CCAR2: variants seen among roughly 807,000 people sequenced by gnomAD.
The protein encoded by CCAR2 is cell cycle and apoptosis regulator protein 2.
A neutral mutation model predicts 108.1 loss-of-function variants in CCAR2; 21 were observed. The observed-to-expected ratio is 0.19, with a 90% CI of 0.14 to 0.28. The LOEUF is 0.28. CCAR2 is among the 10% of genes least tolerant of loss of function. The probability of loss-of-function intolerance (pLI) is 1.00; values close to 1 mark genes in which losing one functional copy is unlikely to be tolerated. For synonymous variants in CCAR2, 577 were observed against 472.8 expected (o/e 1.22, Z -2.86); for missense variants, 1,126 against 1,177.0 (o/e 0.96, Z 0.63).
chr8:22,615,665 T>G lies in CCAR2; in HGVS notation c.1378-17T>G. On this transcript the variant is annotated splice_polypyrimidine_tract_variant and intron_variant, in intron 12 of 20. Transcript: ENST00000308511. Reference sequence around the variant, plus strand: ...AATCCCGGGACCCAGAGGGTCTCATTTCAGCTGTTGTCACAGGAAACGGAG... The same window carrying G: ...AATCCCGGGACCCAGAGGGTCTCATGTCAGCTGTTGTCACAGGAAACGGAG... 1 of 1,613,770 alleles carries G rather than the reference T, an allele frequency of 6.2e-7. No homozygotes were observed. Among genetic ancestry groups the G allele is most frequent in the South Asian group, 1.1e-5 (1 of 91,082 alleles).
rs574317031 is a variant in CCAR2 at position 22,620,367 on chromosome 8, C to G, written c.*685C>G. ...TCTCCCCTGTTACCCATAATTCTTG[C>G]CTCTTTCCATAATCCGTGGTTTCAG... On this transcript the variant is annotated 3_prime_UTR_variant, in exon 21 of 21. Transcript: ENST00000308511. 1 of 152,396 alleles carries G rather than the reference C, an allele frequency of 6.6e-6. No homozygotes were observed. Among genetic ancestry groups the G allele is most frequent in the East Asian group, 1.9e-4 (1 of 5,184 alleles). 9.4% of individuals were successfully genotyped at this position (152,396 alleles called of 1,614,324 possible). A position where few individuals can be genotyped will look rare whatever the true frequency, so the allele number is the denominator to read the frequency against.
chr8:22,605,062 G>C (rs1290112899), intron 1 of CCAR2: 2 of 268,324 alleles, frequency 7.5e-6, no homozygotes, highest in African/African-American at 4.8e-5. Flanking sequence ...TGGTGGCCTC[G>C]CCGCGGCTCT....
chr8:22,610,690 A>C (rs912939653), intron 7 of CCAR2, among the ~76,000 whole-genome samples: 2 of 152,256 alleles, frequency 1.3e-5, no homozygotes, highest in Non-Finnish European at 2.9e-5. Flanking sequence ...GCCAACAGAA[A>C]AGAGCAGGCA....
intron 19 of CCAR2, 49 bp downstream of exon 19, chr8:22,619,064 G>C (rs772286178): frequency 3.7e-6 from 6 of 1,602,690 alleles, no homozygotes; most frequent in Non-Finnish European, 5.1e-6. Context: ...CAGACCAGTA[G>C]GGAACCTGCT....
At position 22,614,494 on chromosome 8, in the gene CCAR2, G is replaced by A; in HGVS notation, c.1032G>A (p.Lys344=). The A allele has an allele frequency of 6.2e-7, 1 of 1,613,898 alleles. No homozygotes were observed. The highest frequency in any genetic ancestry group is 1.1e-5 in the South Asian group (1 of 91,082). The change falls in exon 10 of 21, where the codon AAG becomes AAA. Residue 344 remains lysine (K), a synonymous_variant. Coordinates refer to ENST00000308511, the MANE Select transcript of CCAR2 (RefSeq NM_001393997.1). ...GGGAGACGCCAGAGCATCCTCTGAAGCAGATTAAGGTAAGAGCTGGAGAGC... is the reference window on the plus strand; with the variant it reads ...GGGAGACGCCAGAGCATCCTCTGAAACAGATTAAGGTAAGAGCTGGAGAGC... ...EPRETPEHPL[K]QIKFLLGRKE... is the part of the protein sequence containing the mutation.
At chr8:22,606,779 T>A in intron 4 of CCAR2, 81 bp downstream of exon 4, 1 of 1,460,884 alleles carries the variant, frequency 6.8e-7, no homozygotes, top group Non-Finnish European at 9.5e-7. Context: ...CCCACCCGCC[T>A]CAAAGCCATT....
At chr8:22,616,627 C>T (rs1368569472) in intron 14 of CCAR2, 4 of 217,374 alleles carry the variant, frequency 1.8e-5, no homozygotes, top group Non-Finnish European at 3.7e-5. Context: ...ACCAGCCTGG[C>T]CAATATAGTG....
rs952466275 is a variant in CCAR2, at chr8:22,619,569, G to T, written c.2728-69G>T. On this transcript the variant is annotated intron_variant, in intron 20 of 20. Coordinates refer to ENST00000308511, the MANE Select transcript of CCAR2 (RefSeq NM_001393997.1). Reference sequence around the variant, plus strand: ...AGTGGGAGCTTCCCAGCAGGAGGCAGTCCGCAGTCCGCAGTCCTCAGATCA... The same window carrying T: ...AGTGGGAGCTTCCCAGCAGGAGGCATTCCGCAGTCCGCAGTCCTCAGATCA... The T allele has an allele frequency of 4.4e-6, 6 of 1,366,894 alleles. No individual in the cohort carries two copies. The African/African-American group carries it at 1.7e-4, about 38-fold the overall frequency. 84.7% of individuals were successfully genotyped at this position (1,366,894 alleles called of 1,614,324 possible).
intron 4 of CCAR2, 61 bp from the exon 5 acceptor site, chr8:22,606,842 AGGGGCAG>A (rs1244234878): frequency 6.5e-7 from 1 of 1,532,746 alleles, no homozygotes; most frequent in Non-Finnish European, 9.0e-7. Context: ...AAGGCCTCAT[AGGGGCAG>A]TCAGGGTGGC....
intron 7 of CCAR2, among the ~76,000 whole-genome samples, chr8:22,612,086 C>T (rs778265668): frequency 1.3e-5 from 2 of 151,968 alleles, no homozygotes; most frequent in African/African-American, 2.4e-5. Context: ...GCTGGGATTA[C>T]AGACGTGTGC....
chr8:22,607,231 T>G lies in CCAR2; in HGVS notation c.393T>G (p.His131Gln). ...AGTCCCCAGCACCTCCTCTTCTGCA[T>G]GTAGCAGCCCTGGGCCAGAAGCAAG... ...LLKSPAPPLL[H>Q]VAALGQKQGI... The change falls in exon 6 of 21, where the codon CAT (histidine) becomes CAG (glutamine). Residue 131 changes from histidine to glutamine, a missense_variant. Physicochemically the swap from His to Gln is conservative, Grantham distance 24. Coordinates refer to ENST00000308511, the MANE Select transcript of CCAR2 (RefSeq NM_001393997.1). 1 of 1,614,054 alleles carries G rather than the reference T, an allele frequency of 6.2e-7. No homozygotes were observed. Among genetic ancestry groups the G allele is most frequent in the Non-Finnish European group, 8.5e-7 (1 of 1,180,010 alleles).
intron 7 of CCAR2, among the ~76,000 whole-genome samples, chr8:22,611,890 G>GT (rs1801297295): frequency 6.7e-6 from 1 of 149,422 alleles, no homozygotes; most frequent in Admixed American, 6.7e-5. Context: ...GGAGCAAATG[G>GT]TTTGAGTGTT....
downstream of CCAR2, chr8:22,621,199 G>C (rs1801791626): frequency 1.7e-6 from 1 of 587,016 alleles, no homozygotes; most frequent in Non-Finnish European, 3.0e-6. Flanking sequence ...AAGCCCCAAG[G>C]GTTTGTCTAC....
At position 22,616,525 on chromosome 8, in the gene CCAR2, A is replaced by T. The variant is rs1418497265; in HGVS notation, c.1845+277A>T. On this transcript the variant is annotated intron_variant, in intron 14 of 20. Transcript: ENST00000308511. The stretch of plus-strand genomic sequence containing the variant: ...CTTTGATTGCCTGATGGTTAACTAG[A>T]AAATTTTGTAGGCCGGGCGCTGTAG... The T allele has an allele frequency of 1.0e-5, 5 of 487,292 alleles. No individual in the cohort carries two copies. The East Asian group carries it at 1.1e-4, about 11-fold the overall frequency. The allele number at this position is 487,292 out of a possible 1,614,324, so 30.2% of individuals were successfully genotyped here.
At chr8:22,610,294 G>A (rs1240941545) in intron 7 of CCAR2, among the ~76,000 whole-genome samples, 1 of 152,204 alleles carries the variant, frequency 6.6e-6, no homozygotes, top group African/African-American at 2.4e-5. Context: ...TGTTTTGCAT[G>A]GAAGCCAAGC....
chr8:22,619,516 T>C, intron 20 of CCAR2, 122 bp from the exon 21 acceptor site: 1 of 1,414,346 alleles, frequency 7.1e-7, no homozygotes. Context: ...TTGCAGGTTC[T>C]CTGGGAATTG....
At position 22,613,017 on chromosome 8, in the gene CCAR2, T is replaced by C. The variant is rs776711036; in HGVS notation, c.585T>C (p.Ser195=). 1.9e-6 allele frequency: 3 copies of C among 1,612,532 alleles called. No individual in the cohort carries two copies. The highest frequency in any genetic ancestry group is 2.5e-6 in the Non-Finnish European group (3 of 1,179,530). The stretch of plus-strand genomic sequence containing the variant: ...CTGTTGGTGATGGGTCAACCTCTAG[T>C]GATGACTATGACTCCAAGAAACGCA... ...GPHGRLDQGR[S]DDYDSKKRKQ... is the part of the protein sequence containing the mutation. Residue 195 remains serine, a splice_region_variant and synonymous_variant, in exon 8 of 21, where the codon AGT becomes AGC. Transcript: ENST00000308511.
At chr8:22,616,872 T>C (rs897593193) in intron 14 of CCAR2, among the ~76,000 whole-genome samples, 2 of 52,962 alleles carry the variant, frequency 3.8e-5, no homozygotes, top group Non-Finnish European at 6.9e-5. Flanking sequence ...TCTGCTTTTT[T>C]TTTTTTTTTT....
chr8:22,611,089 G>T (rs905289350), intron 7 of CCAR2, among the ~76,000 whole-genome samples: 4 of 151,762 alleles, frequency 2.6e-5, no homozygotes, highest in African/African-American at 9.7e-5. Flanking sequence ...GGCCAGGCGC[G>T]GTGGCTCATG....
Sources: gnomAD v4.1 joint callset for allele counts (sites outside exome capture counted in the v4.1 genomes callset) on GRCh38, gnomAD v4.1.1 for gene constraint, MANE v1.5 for transcripts, NCBI Gene and HGNC (gene_info 2026-07-23, HGNC 2026-07-21) for gene names.